Variants in ZNF48 observed in about 807,000 individuals in gnomAD.
ZNF48 encodes the protein zinc finger protein 48.
Under a neutral mutation model 40.0 loss-of-function variants are expected in ZNF48, and 20 were observed. The observed-to-expected ratio is 0.50, with a 90% confidence interval of 0.35 to 0.73. The LOEUF (loss-of-function observed/expected upper bound fraction) is 0.73, where lower values mean the gene tolerates loss of function less well. Among genes scored for constraint, ZNF48 ranks in the 30% least tolerant of loss-of-function variants. ZNF48 has a pLI of 0.01. For synonymous variants in ZNF48, 298 were observed against 329.7 expected (o/e 0.90, Z 1.04); for missense variants, 726 against 851.9 (o/e 0.85, Z 1.84).
chr16:30,378,591 A>T (rs2049785998), intron 1 of ZNF48: 1 of 1,608,916 alleles, frequency 6.2e-7, no homozygotes, highest in African/African-American at 1.3e-5. Context: ...GGTCGGGGGG[A>T]AGCGAGGTGC....
chr16:30,393,748 C>T (rs2049959021), upstream of ZNF48, among the ~76,000 whole-genome samples: 1 of 151,680 alleles, frequency 6.6e-6, no homozygotes. Flanking sequence ...TGGGGTCTCG[C>T]TCTATTACCC....
intron 1 of ZNF48, chr16:30,383,105 C>T (rs536860563): frequency 7.0e-6 from 3 of 430,980 alleles, no homozygotes; most frequent in Non-Finnish European, 1.3e-5. Flanking sequence ...TTGCATGAGC[C>T]CAGAAGATCA....
chr16:30,388,133 G>A (rs543820771), intron 1 of ZNF48, among the ~76,000 whole-genome samples: 1 of 151,824 alleles, frequency 6.6e-6, no homozygotes, highest in African/African-American at 2.4e-5. Flanking sequence ...ACCACGCTTG[G>A]CTAATTTTTT....
At chr16:30,378,513 CGGCGCA>C in intron 1 of ZNF48, 1 of 1,582,188 alleles carries the variant, frequency 6.3e-7, no homozygotes, top group South Asian at 1.1e-5. Flanking sequence ...CTCTTGCATG[CGGCGCA>C]GCTGTGCAGG....
chr16:30,394,030 C>CTTT (rs761579523), upstream of ZNF48, among the ~76,000 whole-genome samples: 1 of 143,284 alleles, frequency 7.0e-6, no homozygotes, highest in Admixed American at 7.0e-5. Context: ...TTCTCTCTCT[C>CTTT]TTTTTTTTTT....
Position 30,381,176 on chromosome 16 carries a change from C to T in ZNF48, c.-16+2766C>T. 1 of 1,614,076 alleles carries T rather than the reference C, an allele frequency of 6.2e-7. No homozygotes were observed. The highest frequency in any genetic ancestry group is 8.5e-7 in the Non-Finnish European group (1 of 1,180,010). The stretch of plus-strand genomic sequence containing the variant: ...CTGGGGCATCAGAGCATCCGCTTTG[C>T]CAATGACTGGGATGATGTTGACTTT... On this transcript the variant is annotated intron_variant, in intron 1 of 2. Transcript: ENST00000528032. The surrounding 1 kb of genome is among the most constrained non-coding windows in gnomAD (Gnocchi z 4.3).
At chr16:30,385,238 G>A (rs937361237) in intron 1 of ZNF48, among the ~76,000 whole-genome samples, 2 of 150,478 alleles carry the variant, frequency 1.3e-5, no homozygotes, top group Non-Finnish European at 3.0e-5. Flanking sequence ...AAATAAATAA[G>A]CAAAGGGCAG....
In ZNF48 at chr16:30,399,100, T is replaced by C; in HGVS notation, c.1850T>C (p.Leu617Pro). ...RPLKQEAATG[L>P]E ...CTCAAGCAGGAGGCAGCAACAGGAC[T>C]GGAATGACGCGGTCCAGGGAGGGCG... The change falls in exon 3 of 3, where the codon CTG (leucine) becomes CCG (proline). Residue 617 changes from leucine to proline, a missense_variant. By Grantham distance (98) the Leu-to-Pro change is moderately conservative. Coordinates refer to ENST00000613509, the MANE Select transcript of ZNF48 (RefSeq NM_001214909.2). 3 of 1,583,998 alleles carry C rather than the reference T, an allele frequency of 1.9e-6. No individual in the cohort carries two copies. The highest frequency in any genetic ancestry group is 1.7e-6 in the Non-Finnish European group (2 of 1,164,714).
upstream of ZNF48, among the ~76,000 whole-genome samples, chr16:30,390,777 C>T (rs181158622): frequency 2.8e-4 from 42 of 151,978 alleles, no homozygotes; most frequent in East Asian, 7.2e-3. Context: ...CCCGCCATCA[C>T]GCCTGGCTAA....
rs1310062768 is a variant in ZNF48 at position 30,397,267 on chromosome 16, T to G, written c.80-63T>G. 2.8e-6 allele frequency: 4 copies of G among 1,444,578 alleles called. No homozygotes were observed. The African/African-American group carries it at 5.7e-5, about 20-fold the overall frequency. The allele number at this position is 1,444,578 out of a possible 1,614,324, so 89.5% of individuals were successfully genotyped here. Reference sequence around the variant, plus strand: ...TGTCAAGGGAGTCTTCCTGGAGAGGTTGCTGTCAAAGATAAGTACCGAGCC... The same window carrying G: ...TGTCAAGGGAGTCTTCCTGGAGAGGGTGCTGTCAAAGATAAGTACCGAGCC... On this transcript the variant is annotated intron_variant, in intron 2 of 2. Coordinates refer to ENST00000613509, the MANE Select transcript of ZNF48 (RefSeq NM_001214909.2). This position sits in a 1 kb window ranked among gnomAD's most constrained non-coding sequence, Gnocchi z 4.1.
At chr16:30,385,044 C>A (rs1291145411) in intron 1 of ZNF48, among the ~76,000 whole-genome samples, 4 of 151,904 alleles carry the variant, frequency 2.6e-5, no homozygotes. Flanking sequence ...GGCGTGATGG[C>A]GCATGCCTGT....
intron 1 of ZNF48, chr16:30,378,678 T>A: frequency 6.2e-7 from 1 of 1,607,396 alleles, no homozygotes. Flanking sequence ...GGGATCTCTG[T>A]GGCGCTCTGG....
At position 30,381,894 on chromosome 16, in the gene ZNF48, G is replaced by A; in HGVS notation, c.-16+3484G>A. ...TCTGTGTCAAGCGAGCTGTGGGATG[G>A]GGGAGAGGTCAGGGATCCGGGGAGG... is the stretch of plus-strand genomic sequence containing the variant. On this transcript the variant is annotated intron_variant, in intron 1 of 2. Transcript: ENST00000528032. This position sits in a 1 kb window ranked among gnomAD's most constrained non-coding sequence, Gnocchi z 4.3. The A allele has an allele frequency of 1.9e-6, 3 of 1,614,008 alleles. No homozygotes were observed. The highest frequency in any genetic ancestry group is 2.5e-6 in the Non-Finnish European group (3 of 1,179,982).
rs1249413329 is a variant in ZNF48 at position 30,395,424 on chromosome 16, G to C, written c.-170G>C. Reference sequence around the variant, plus strand: ...CCCCGCGCTTCCGCTTCCCGTCCCCGCCCCCGGTGGCCGCCCCCGGGACGC... The same window carrying C: ...CCCCGCGCTTCCGCTTCCCGTCCCCCCCCCCGGTGGCCGCCCCCGGGACGC... On this transcript the variant is annotated 5_prime_UTR_variant, in exon 1 of 3. Transcript: ENST00000613509. This position sits in a 1 kb window ranked among gnomAD's most constrained non-coding sequence, Gnocchi z 5.9. 1 of 356,550 alleles carries C rather than the reference G, an allele frequency of 2.8e-6. No homozygotes were observed. The highest frequency in any genetic ancestry group is 5.5e-6 in the Non-Finnish European group (1 of 181,646). The allele number at this position is 356,550 out of a possible 1,614,324, so 22.1% of individuals were successfully genotyped here.
exon 1 of ZNF48, chr16:30,378,327 G>A: frequency 1.9e-5 from 21 of 1,108,488 alleles, no homozygotes; most frequent in Non-Finnish European, 2.6e-5. Context: ...CCGCGCGAGG[G>A]CGGCACCCGC....
At position 30,381,822 on chromosome 16, in the gene ZNF48, C is replaced by T; in HGVS notation, c.-16+3412C>T. 1 of 1,614,166 alleles carries T rather than the reference C, an allele frequency of 6.2e-7. No individual in the cohort carries two copies. Among genetic ancestry groups the T allele is most frequent in the Non-Finnish European group, 8.5e-7 (1 of 1,180,018 alleles). On this transcript the variant is annotated intron_variant, in intron 1 of 2. Coordinates refer to the ZNF48 transcript ENST00000528032. The surrounding 1 kb of genome is among the most constrained non-coding windows in gnomAD (Gnocchi z 4.3). ...TGTCCACAAGGGTCAGCTTCACTTT[C>T]ACACCCCCTTCCTCAATCTCTACGC... is the stretch of plus-strand genomic sequence containing the variant.
At chr16:30,386,628 A>T (rs2049902418) in intron 1 of ZNF48, among the ~76,000 whole-genome samples, 1 of 152,124 alleles carries the variant, frequency 6.6e-6, no homozygotes, top group Non-Finnish European at 1.5e-5. Context: ...CCTCGAAAAA[A>T]ATATATTTTT....
chr16:30,382,355 T>C lies in ZNF48; in HGVS notation c.-16+3945T>C, dbSNP rs1449201801. 2.5e-6 allele frequency: 4 copies of C among 1,612,282 alleles called. No individual in the cohort carries two copies. In the South Asian group the frequency reaches 4.4e-5, roughly 18 times the overall value. On this transcript the variant is annotated intron_variant, in intron 1 of 2. Transcript: ENST00000528032. The surrounding 1 kb of genome is among the most constrained non-coding windows in gnomAD (Gnocchi z 4.8). ...GTTGGGGAGGGCAGCAAAACCCACGTACTCCTTGTCCTATGGATGGGGGTG... is the reference window on the plus strand; with the variant it reads ...GTTGGGGAGGGCAGCAAAACCCACGCACTCCTTGTCCTATGGATGGGGGTG...
chr16:30,398,302 G>C lies in ZNF48; in HGVS notation c.1052G>C (p.Arg351Pro). ...ADSSARVKHL[R>P]THSGERPHAC... ...AGCTCCGCCCGAGTCAAACACCTCC[G>C]CACCCACAGTGGCGAGAGGCCCCAT... Residue 351 changes from arginine to proline, a missense_variant, in exon 3 of 3, where the codon CGC becomes CCC. By Grantham distance (103) the Arg-to-Pro change is moderately radical. Around this residue, in one of 5 missense-constraint regions of ZNF48, gnomAD observed 378 missense variants for 449.1 expected, o/e 0.84. Coordinates refer to ENST00000613509, the MANE Select transcript of ZNF48 (RefSeq NM_001214909.2). This position sits in a 1 kb window ranked among gnomAD's most constrained non-coding sequence, Gnocchi z 6.6. 6.2e-7 allele frequency: 1 copy of C among 1,613,506 alleles called. No individual in the cohort carries two copies. Among genetic ancestry groups the C allele is most frequent in the Non-Finnish European group, 8.5e-7 (1 of 1,180,022 alleles).
Sources: allele counts gnomAD v4.1 joint callset (sites outside exome capture counted in the v4.1 genomes callset), GRCh38; gene constraint gnomAD v4.1.1; regional missense constraint gnomAD v4.1.1; non-coding constraint Gnocchi (gnomAD v3.1); transcripts MANE v1.5; gene names NCBI Gene and HGNC (gene_info 2026-07-23, HGNC 2026-07-21).